PSAT1: variants seen among roughly 807,000 people sequenced by gnomAD.
The protein encoded by PSAT1 is phosphoserine aminotransferase.
Under a neutral mutation model 40.3 loss-of-function variants are expected in PSAT1, and 41 were observed. The ratio of observed to expected loss-of-function variants is 1.02; its 90% CI spans 0.79 to 1.32. The LOEUF (loss-of-function observed/expected upper bound fraction) is 1.32. PSAT1 is among the 40% of genes most tolerant of loss of function. The pLI, the probability that PSAT1 is intolerant of heterozygous loss-of-function variation, is 0.00. For missense variants in PSAT1, 406 were observed against 455.8 expected (o/e 0.89, Z 0.99); for synonymous variants, 147 against 170.5 (o/e 0.86, Z 1.07).
intron 7 of PSAT1, among the ~76,000 whole-genome samples, chr9:78,326,147 G>C (rs1047667916): frequency 4.6e-5 from 7 of 152,076 alleles, no homozygotes; most frequent in African/African-American, 1.7e-4. Context: ...TTTGCTTGAA[G>C]CTGTGTACTA....
At chr9:78,316,624 G>A (rs1828348312) in intron 6 of PSAT1, among the ~76,000 whole-genome samples, 1 of 152,184 alleles carries the variant, frequency 6.6e-6, no homozygotes, top group East Asian at 1.9e-4. Context: ...CTGCATACTG[G>A]CTGGAGGGTG....
intron 5 of PSAT1, among the ~76,000 whole-genome samples, chr9:78,307,980 A>G (rs144706075): frequency 0.015 from 2,213 of 152,236 alleles, 45 homozygotes; most frequent in African/African-American, 0.049. Context: ...CAGAGGTTGC[A>G]GTGAGCCGAG....
intron 1 of PSAT1, among the ~76,000 whole-genome samples, chr9:78,299,514 C>CTTTTTT (rs57722137): frequency 2.5e-4 from 30 of 118,510 alleles, no homozygotes; most frequent in Non-Finnish European, 4.0e-4. Context: ...TAATCTAATT[C>CTTTTTT]TTTTTTTTTT....
intron 7 of PSAT1, 98 bp downstream of exon 7, chr9:78,317,902 T>A: frequency 4.3e-6 from 6 of 1,404,886 alleles, no homozygotes; most frequent in African/African-American, 1.4e-5. Context: ...CACCTTTCTC[T>A]GAGACATTAA....
intron 7 of PSAT1, among the ~76,000 whole-genome samples, chr9:78,326,955 A>AT (rs1554688170): frequency 0.093 from 7,053 of 75,970 alleles, 631 homozygotes; most frequent in Non-Finnish European, 0.11. Context: ...ATATATATAT[A>AT]TTTTTTTTTT....
chr9:78,300,711 T>A, intron 2 of PSAT1, 49 bp downstream of exon 2: 2 of 59,408 alleles, frequency 3.4e-5, no homozygotes, highest in Non-Finnish European at 5.2e-5. Flanking sequence ...CAAAGGAAGC[T>A]TTTTTTTTTT....
intron 1 of PSAT1, among the ~76,000 whole-genome samples, chr9:78,300,348 C>T (rs1031937904): frequency 2.0e-5 from 3 of 152,244 alleles, no homozygotes; most frequent in Non-Finnish European, 4.4e-5. Flanking sequence ...TCTAGGGAAT[C>T]GGTAAATTCG....
At chr9:78,300,999 A>C (rs1564012204) in intron 2 of PSAT1, among the ~76,000 whole-genome samples, 1 of 152,076 alleles carries the variant, frequency 6.6e-6, no homozygotes, top group Non-Finnish European at 1.5e-5. Context: ...TGGCCTCCCA[A>C]AGTTTTGGGA....
At chr9:78,311,456 G>T (rs747087898) in intron 6 of PSAT1, among the ~76,000 whole-genome samples, 1 of 151,874 alleles carries the variant, frequency 6.6e-6, no homozygotes, top group Admixed American at 6.6e-5. Flanking sequence ...AGCAAGTTGC[G>T]ATCAGGGTAC....
chr9:78,307,118 G>T (rs989647355), intron 5 of PSAT1, among the ~76,000 whole-genome samples: 1 of 152,126 alleles, frequency 6.6e-6, no homozygotes, highest in African/African-American at 2.4e-5. Flanking sequence ...TCACATTGTT[G>T]TGCAGGCATC....
chr9:78,328,875 A>T, intron 8 of PSAT1, 106 bp from the exon 9 acceptor site: 2 of 859,896 alleles, frequency 2.3e-6, no homozygotes. Flanking sequence ...ACCGGAAATG[A>T]TGGTCTCAGG....
At chr9:78,300,702 A>G in intron 2 of PSAT1, 40 bp downstream of exon 2, 4 of 1,512,430 alleles carry the variant, frequency 2.6e-6, no homozygotes, top group Non-Finnish European at 3.5e-6. Flanking sequence ...TCCATGTTTC[A>G]AAGGAAGCTT....
rs566978017 is a variant in PSAT1, at chr9:78,327,610, G to A, written c.870-441G>A. Among the ~76,000 whole-genome samples the A allele has an allele frequency of 2.6e-5, 4 of 152,250 alleles. No homozygotes were observed. In the South Asian group the frequency reaches 8.3e-4, roughly 32 times the overall value. ...GCAATACACCATGGTAAGTCCTTTG[G>A]AAGTTGCTGCTCATTATTTTTGCCT... is the stretch of plus-strand genomic sequence containing the variant. On this transcript the variant is annotated intron_variant, in intron 7 of 8. Transcript: ENST00000376588.
intron 6 of PSAT1, among the ~76,000 whole-genome samples, chr9:78,309,781 C>T (rs926167532): frequency 2.0e-5 from 3 of 152,204 alleles, no homozygotes; most frequent in Non-Finnish European, 2.9e-5. Context: ...CCTCAGGATC[C>T]TATAACTCCC....
At chr9:78,309,519 C>T (rs1343977344) in intron 6 of PSAT1, among the ~76,000 whole-genome samples, 2 of 152,274 alleles carry the variant, frequency 1.3e-5, no homozygotes, top group East Asian at 1.9e-4. Context: ...CGTGCCACTA[C>T]GCCCAGCTAA....
At chr9:78,301,870 T>C in intron 2 of PSAT1, 84 bp from the exon 3 acceptor site, 1 of 1,071,284 alleles carries the variant, frequency 9.3e-7, no homozygotes. Context: ...GTATTGTTGT[T>C]TACTTGCAAA....
intron 7 of PSAT1, among the ~76,000 whole-genome samples, chr9:78,321,645 C>CT (rs1029033732): frequency 8.5e-5 from 13 of 152,058 alleles, no homozygotes; most frequent in African/African-American, 3.1e-4. Context: ...GCAGGGAATT[C>CT]TGGGACTAGA....
intron 7 of PSAT1, 104 bp downstream of exon 7, chr9:78,317,908 A>G: frequency 7.4e-7 from 1 of 1,353,912 alleles, no homozygotes; most frequent in Non-Finnish European, 1.0e-6. Context: ...TCTCTGAGAC[A>G]TTAAAATACT....
chr9:78,301,770 T>C, intron 2 of PSAT1, among the ~76,000 whole-genome samples, 184 bp from the exon 3 acceptor site: 1 of 152,192 alleles, frequency 6.6e-6, no homozygotes, highest in East Asian at 1.9e-4. Context: ...AAAGCTAAAA[T>C]GTTTGCAATT....
Sources: allele counts gnomAD v4.1 joint callset (sites outside exome capture counted in the v4.1 genomes callset), GRCh38; gene constraint gnomAD v4.1.1; transcripts MANE v1.5; gene names NCBI Gene and HGNC (gene_info 2026-07-23, HGNC 2026-07-21).